GPHN: variants seen among roughly 807,000 people sequenced by gnomAD.
GPHN encodes the protein gephyrin.
A neutral mutation model predicts 95.5 loss-of-function variants in GPHN; 17 were observed. The ratio of observed to expected loss-of-function variants is 0.18; its 90% CI spans 0.12 to 0.27. GPHN has a LOEUF of 0.27. GPHN is among the 10% of genes least tolerant of loss of function. The pLI is 1.00. For missense variants in GPHN, 660 were observed against 978.1 expected (o/e 0.67, Z 4.34); for synonymous variants, 320 against 322.5 (o/e 0.99, Z 0.08).
the GPHN span, among the ~76,000 whole-genome samples, chr14:67,635,800 C>G: frequency 6.6e-6 from 1 of 152,068 alleles, no homozygotes; most frequent in African/African-American, 2.4e-5. Flanking sequence ...TGCAGTGAGC[C>G]AAGATCACGC....
chr14:67,445,164 C>A, the GPHN span, among the ~76,000 whole-genome samples: 4 of 152,202 alleles, frequency 2.6e-5, no homozygotes, highest in African/African-American at 9.7e-5. Context: ...CTTGTATCCT[C>A]TATAATGAAG....
chr14:66,577,842 T>G (rs1469376145), intron 1 of GPHN, among the ~76,000 whole-genome samples: 1 of 152,062 alleles, frequency 6.6e-6, no homozygotes, highest in African/African-American at 2.4e-5. Flanking sequence ...GTCAAGGTTA[T>G]ATATAATGCC....
At chr14:67,501,638 G>C in the GPHN span, among the ~76,000 whole-genome samples, 6,616 of 152,288 alleles carry the variant, frequency 0.043, 187 homozygotes, top group East Asian at 0.091. Flanking sequence ...CAGGGTCCCA[G>C]GTGAGGTTCT....
the GPHN span, chr14:67,555,878 T>G: frequency 2.5e-6 from 4 of 1,613,518 alleles, no homozygotes; most frequent in Non-Finnish European, 8.5e-7. Flanking sequence ...CAGAGAACGC[T>G]GAGACCCAGG....
At chr14:66,957,128 A>C (rs1039533241) in intron 8 of GPHN, among the ~76,000 whole-genome samples, 1 of 151,492 alleles carries the variant, frequency 6.6e-6, no homozygotes, top group Non-Finnish European at 1.5e-5. Flanking sequence ...AATAAAAAAA[A>C]AAGAAAAAAA....
At position 67,094,203 on chromosome 14, in the gene GPHN, A is replaced by G. The variant is rs375845639; in HGVS notation, c.1237+5128A>G. On this transcript the variant is annotated intron_variant, in intron 12 of 22. Coordinates refer to ENST00000478722, the MANE Select transcript of GPHN (RefSeq NM_020806.5). ...ATTTGAAGATCATCGTTTTCTGTGT[A>G]CACAATGAGTAGTTATCTAGTGTTA... Among the ~76,000 whole-genome samples the G allele has an allele frequency of 8.5e-5, 13 of 152,270 alleles. No homozygotes were observed. In the East Asian group the frequency reaches 2.3e-3, roughly 27 times the overall value.
intron 8 of GPHN, among the ~76,000 whole-genome samples, chr14:66,947,974 C>T (rs1462228395): frequency 6.6e-6 from 1 of 152,098 alleles, no homozygotes; most frequent in African/African-American, 2.4e-5. Flanking sequence ...AAAAAAGAAA[C>T]TTTCATGAAA....
the GPHN span, among the ~76,000 whole-genome samples, chr14:67,382,840 G>A: frequency 2.2e-3 from 329 of 151,224 alleles, 1 homozygote; most frequent in African/African-American, 7.7e-3. Flanking sequence ...CAGAATTGGA[G>A]AAAAAAAAAG....
At chr14:66,714,054 C>A (rs552660645) in intron 2 of GPHN, among the ~76,000 whole-genome samples, 1 of 152,160 alleles carries the variant, frequency 6.6e-6, no homozygotes, top group African/African-American at 2.4e-5. Context: ...CAGGTGTGAA[C>A]CACCATGCCA....
At chr14:66,938,203 A>G (rs1206122792) in intron 8 of GPHN, among the ~76,000 whole-genome samples, 1 of 152,196 alleles carries the variant, frequency 6.6e-6, no homozygotes, top group Non-Finnish European at 1.5e-5. Flanking sequence ...ATTGCAAATA[A>G]CTATACTGTC....
intron 1 of GPHN, among the ~76,000 whole-genome samples, chr14:66,593,519 C>T (rs990381047): frequency 1.3e-5 from 2 of 152,070 alleles, no homozygotes; most frequent in African/African-American, 4.8e-5. Flanking sequence ...CTTATGAGAA[C>T]TCACTATCAT....
At chr14:67,725,383 C>A in the GPHN span, 1 of 953,714 alleles carries the variant, frequency 1.0e-6, no homozygotes, top group Admixed American at 2.0e-5. Context: ...GCCACATGAA[C>A]CAGCAGGACA....
intron 4 of GPHN, among the ~76,000 whole-genome samples, chr14:66,867,331 T>G (rs2063263262): frequency 6.6e-6 from 1 of 152,180 alleles, no homozygotes; most frequent in Admixed American, 6.5e-5. Context: ...AAGTTGTTTG[T>G]AACTAAAATA....
chr14:67,151,107 C>G (rs143978222), intron 18 of GPHN, among the ~76,000 whole-genome samples: 83 of 152,262 alleles, frequency 5.5e-4, no homozygotes, highest in African/African-American at 1.8e-3. Flanking sequence ...GAATACCTTA[C>G]AGAAATAGGA....
chr14:67,442,077 C>T, the GPHN span: 1 of 152,492 alleles, frequency 6.6e-6, no homozygotes, highest in Non-Finnish European at 1.5e-5. Context: ...GTAATGAATA[C>T]ATACAAATGA....
intron 2 of GPHN, among the ~76,000 whole-genome samples, chr14:66,693,811 T>C (rs2067944551): frequency 6.6e-6 from 1 of 152,122 alleles, no homozygotes; most frequent in African/African-American, 2.4e-5. Context: ...ATAAGTAACA[T>C]TGTGGAATTC....
chr14:67,162,864 C>T (rs1250441410), intron 19 of GPHN, among the ~76,000 whole-genome samples: 1 of 152,168 alleles, frequency 6.6e-6, no homozygotes, highest in Non-Finnish European at 1.5e-5. Flanking sequence ...CTGTGTTCCT[C>T]CACTTAGTAG....
chr14:66,700,854 A>G (rs561794005), intron 2 of GPHN, among the ~76,000 whole-genome samples: 1 of 152,242 alleles, frequency 6.6e-6, no homozygotes, highest in Admixed American at 6.5e-5. Flanking sequence ...ATCCGGAGAC[A>G]GGGGTTGCAG....
At chr14:66,835,556 C>T (rs2061764391) in intron 4 of GPHN, among the ~76,000 whole-genome samples, 1 of 151,670 alleles carries the variant, frequency 6.6e-6, no homozygotes, top group African/African-American at 2.4e-5. Flanking sequence ...TGCCCTCTCT[C>T]ACCACTCCTA....
Sources: gnomAD v4.1 joint callset for allele counts (sites outside exome capture counted in the v4.1 genomes callset) on GRCh38, gnomAD v4.1.1 for gene constraint, MANE v1.5 for transcripts, NCBI Gene and HGNC (gene_info 2026-07-23, HGNC 2026-07-21) for gene names.